The following GALNT1 variants were observed in gnomAD, a reference collection of about 807,000 sequenced individuals.
GALNT1 encodes GalNAc transferase 1.
A neutral mutation model predicts 65.7 loss-of-function variants in GALNT1; 17 were observed. The observed-to-expected ratio is 0.26, with a 90% CI of 0.18 to 0.39. The LOEUF (loss-of-function observed/expected upper bound fraction) is 0.39, where lower values mean the gene tolerates loss of function less well. Among genes scored for constraint, GALNT1 ranks in the 10% least tolerant of loss-of-function variants. The pLI, the probability that GALNT1 is intolerant of heterozygous loss-of-function variation, is 1.00. For synonymous variants in GALNT1, 210 were observed against 219.7 expected (o/e 0.96, Z 0.39); for missense variants, 460 against 672.8 (o/e 0.68, Z 3.50).
intron 4 of GALNT1, among the ~76,000 whole-genome samples, chr18:35,681,427 G>T (rs76259376): frequency 0.013 from 2,013 of 152,066 alleles, 38 homozygotes; most frequent in African/African-American, 0.044. Context: ...GTCAAACAAA[G>T]ATGCCAAGAA....
chr18:35,702,813 G>A (rs1215032583), intron 9 of GALNT1, 84 bp from the exon 10 acceptor site: 1 of 818,968 alleles, frequency 1.2e-6, no homozygotes, highest in Non-Finnish European at 1.9e-6. Flanking sequence ...AGTTTAGGTT[G>A]ATATTTAGTG....
chr18:35,652,470 G>C (rs2047323679), intron 1 of GALNT1, among the ~76,000 whole-genome samples: 1 of 151,982 alleles, frequency 6.6e-6, no homozygotes, highest in African/African-American at 2.4e-5. Flanking sequence ...CGTCCCCTCT[G>C]CCAACCCCAG....
intron 6 of GALNT1, among the ~76,000 whole-genome samples, chr18:35,688,529 A>G (rs1242319807): frequency 6.6e-6 from 1 of 152,092 alleles, no homozygotes; most frequent in Non-Finnish European, 1.5e-5. Flanking sequence ...CTCCCTTTGC[A>G]TACCTGAGCC....
intron 3 of GALNT1, among the ~76,000 whole-genome samples, chr18:35,670,503 T>C (rs987475038): frequency 6.6e-6 from 1 of 152,142 alleles, no homozygotes; most frequent in African/African-American, 2.4e-5. Flanking sequence ...ATTAAATACC[T>C]AAATAAATGG....
At chr18:35,629,897 G>T (rs982905730) in intron 1 of GALNT1, among the ~76,000 whole-genome samples, 4 of 151,996 alleles carry the variant, frequency 2.6e-5, no homozygotes, top group African/African-American at 9.7e-5. Context: ...AAAAGGCAGG[G>T]GTTGCAATCC....
At chr18:35,656,103 C>A (rs16966973) in intron 2 of GALNT1, among the ~76,000 whole-genome samples, 14,517 of 152,188 alleles carry the variant, frequency 0.095, 835 homozygotes, top group African/African-American at 0.17. Flanking sequence ...TATTACGATT[C>A]ATCAGTCAGA....
intron 2 of GALNT1, among the ~76,000 whole-genome samples, chr18:35,662,183 G>T (rs986266806): frequency 6.6e-6 from 1 of 152,114 alleles, no homozygotes; most frequent in Non-Finnish European, 1.5e-5. Context: ...TACTACACTT[G>T]TTGATGATTT....
rs575996899 is a variant in GALNT1 at position 35,641,852 on chromosome 18, G to T, written c.-103-12708G>T. 2.6e-5 allele frequency among the ~76,000 whole-genome samples: 4 copies of T among 152,246 alleles called. No homozygotes were observed. The South Asian group carries it at 8.3e-4, about 32-fold the overall frequency. On this transcript the variant is annotated intron_variant, in intron 1 of 11. Coordinates refer to ENST00000269195, the MANE Select transcript of GALNT1 (RefSeq NM_020474.4). Reference sequence around the variant, plus strand: ...CATACGTATATACTTTAGATCAGGGGTCGGTGTGATGACTCATGAGTTAAG... The same window carrying T: ...CATACGTATATACTTTAGATCAGGGTTCGGTGTGATGACTCATGAGTTAAG...
intron 1 of GALNT1, among the ~76,000 whole-genome samples, chr18:35,604,704 T>C (rs2046625389): frequency 6.6e-6 from 1 of 152,234 alleles, no homozygotes; most frequent in African/African-American, 2.4e-5. Context: ...ATTGGCCGTG[T>C]GTATGTCTTC....
rs115631360 is a variant in GALNT1, at chr18:35,610,658, G to A, written c.-104+28796G>A. 6.4e-3 allele frequency among the ~76,000 whole-genome samples: 972 copies of A among 152,170 alleles called. 19 individuals are homozygous for A. The highest frequency in any genetic ancestry group is 0.022 in the African/African-American group (922 of 41,532). On this transcript the variant is annotated intron_variant, in intron 1 of 11. Transcript: ENST00000269195. ...ACTTTTAGAAATTACTGAAGACCCCGAAGAGTTTGTTTTGTGGGTTCATAT... is the reference window on the plus strand; with the variant it reads ...ACTTTTAGAAATTACTGAAGACCCCAAAGAGTTTGTTTTGTGGGTTCATAT...
intron 1 of GALNT1, among the ~76,000 whole-genome samples, chr18:35,647,476 T>C (rs562323462): frequency 6.6e-6 from 1 of 152,344 alleles, no homozygotes; most frequent in South Asian, 2.1e-4. Flanking sequence ...GTTTGAGAAA[T>C]AGAGCAAATA....
At chr18:35,620,980 TGA>T (rs974645460) in intron 1 of GALNT1, among the ~76,000 whole-genome samples, 2 of 152,164 alleles carry the variant, frequency 1.3e-5, no homozygotes, top group Non-Finnish European at 2.9e-5. Context: ...CAACAGTGTG[TGA>T]GTGTCCCATT....
intron 1 of GALNT1, among the ~76,000 whole-genome samples, chr18:35,640,920 T>C (rs370676493): frequency 2.6e-5 from 4 of 152,220 alleles, no homozygotes; most frequent in African/African-American, 9.6e-5. Context: ...TTTTTAGATA[T>C]TAAAACATTA....
intron 1 of GALNT1, among the ~76,000 whole-genome samples, chr18:35,603,128 G>C (rs1432867553): frequency 2.0e-5 from 3 of 152,306 alleles, no homozygotes; most frequent in African/African-American, 7.2e-5. Context: ...GCCTGTCCCA[G>C]ATGGAGGTGG....
chr18:35,639,753 A>C (rs76078496), intron 1 of GALNT1, among the ~76,000 whole-genome samples: 2 of 152,098 alleles, frequency 1.3e-5, no homozygotes, highest in Non-Finnish European at 2.9e-5. Flanking sequence ...TTTGATTTGT[A>C]GAATTGTTCC....
At position 35,605,912 on chromosome 18, in the gene GALNT1, G is replaced by A. The variant is rs530488046; in HGVS notation, c.-104+24050G>A. Among the ~76,000 whole-genome samples, 4 of 152,276 alleles carry A rather than the reference G, an allele frequency of 2.6e-5. No homozygotes were observed. The East Asian group carries it at 7.7e-4, about 29-fold the overall frequency. On this transcript the variant is annotated intron_variant, in intron 1 of 11. Transcript: ENST00000269195. ...CTTTTTAGCATCATAAGAAGGTATA[G>A]CACTGTGAAAACTAGTCTTTGTATT...
At chr18:35,680,532 G>A (rs2047772039) in intron 4 of GALNT1, among the ~76,000 whole-genome samples, 1 of 152,136 alleles carries the variant, frequency 6.6e-6, no homozygotes, top group South Asian at 2.1e-4. Flanking sequence ...ATTATATAAT[G>A]AATGGGTGAA....
At chr18:35,641,080 C>T (rs748542439) in intron 1 of GALNT1, among the ~76,000 whole-genome samples, 6 of 152,208 alleles carry the variant, frequency 3.9e-5, no homozygotes, top group Non-Finnish European at 7.3e-5. Context: ...CCCACCTTGG[C>T]TTCCCAAAGT....
At chr18:35,614,711 A>G (rs974833947) in intron 1 of GALNT1, among the ~76,000 whole-genome samples, 2 of 152,168 alleles carry the variant, frequency 1.3e-5, no homozygotes, top group African/African-American at 2.4e-5. Context: ...TTGCGAATAT[A>G]TGATTGATAT....
Sources: gnomAD v4.1 joint callset for allele counts (sites outside exome capture counted in the v4.1 genomes callset) on GRCh38, gnomAD v4.1.1 for gene constraint, MANE v1.5 for transcripts, NCBI Gene and HGNC (gene_info 2026-07-23, HGNC 2026-07-21) for gene names.